Variants in CDKAL1 observed in about 807,000 individuals in gnomAD.
CDKAL1 encodes threonylcarbamoyladenosine tRNA methylthiotransferase.
In CDKAL1, 32 loss-of-function variants were observed where a neutral mutation model predicts 68.2. The ratio of observed to expected loss-of-function variants is 0.47; its 90% CI spans 0.35 to 0.63. The LOEUF (loss-of-function observed/expected upper bound fraction) is 0.63. CDKAL1 is among the 30% of genes least tolerant of loss of function. The pLI is 0.00. For missense variants in CDKAL1, 606 were observed against 696.7 expected (o/e 0.87, Z 1.47); for synonymous variants, 234 against 244.3 (o/e 0.96, Z 0.39).
At chr6:21,175,096 G>A (rs1274838341) in intron 13 of CDKAL1, among the ~76,000 whole-genome samples, 1 of 152,106 alleles carries the variant, frequency 6.6e-6, no homozygotes. Flanking sequence ...ATGGATTATG[G>A]GAAATGGATC....
chr6:20,682,646 C>T (rs778910199), intron 5 of CDKAL1, among the ~76,000 whole-genome samples: 16 of 152,124 alleles, frequency 1.1e-4, no homozygotes, highest in African/African-American at 2.7e-4. Context: ...CCTCCAACAA[C>T]GGGAATTACA....
At chr6:20,969,714 T>C (rs1331645729) in intron 10 of CDKAL1, among the ~76,000 whole-genome samples, 1 of 152,208 alleles carries the variant, frequency 6.6e-6, no homozygotes, top group Admixed American at 6.5e-5. Context: ...TTGCCTGGAA[T>C]GCTCCATCAG....
At position 20,566,350 on chromosome 6, in the gene CDKAL1, C is replaced by T. The variant is rs149444180; in HGVS notation, c.286+17645C>T. Among the ~76,000 whole-genome samples, 136 of 152,158 alleles carry T rather than the reference C, an allele frequency of 8.9e-4. 1 individual carries two copies. The highest frequency in any genetic ancestry group is 2.7e-3 in the African/African-American group (114 of 41,526). The stretch of plus-strand genomic sequence containing the variant: ...TTAATATGTTATAGCTTTTTAATTT[C>T]GATCCTCTGTGTTGGTTGAATATGC... On this transcript the variant is annotated intron_variant, in intron 4 of 15. Transcript: ENST00000274695.
intron 13 of CDKAL1, among the ~76,000 whole-genome samples, chr6:21,175,365 G>C (rs745512423): frequency 6.6e-6 from 1 of 152,094 alleles, no homozygotes; most frequent in Non-Finnish European, 1.5e-5. Context: ...AGAATTACAA[G>C]TCTATTCATT....
chr6:20,673,626 G>A (rs1445047326), intron 5 of CDKAL1, among the ~76,000 whole-genome samples: 2 of 152,122 alleles, frequency 1.3e-5, no homozygotes, highest in Non-Finnish European at 2.9e-5. Flanking sequence ...GTTGTGGGAG[G>A]AACCCAGTGG....
intron 13 of CDKAL1, among the ~76,000 whole-genome samples, chr6:21,188,000 T>C (rs1380886912): frequency 6.6e-6 from 1 of 152,230 alleles, no homozygotes; most frequent in East Asian, 1.9e-4. Context: ...AAGTGAAACT[T>C]TTTTCACATA....
intron 9 of CDKAL1, among the ~76,000 whole-genome samples, chr6:20,916,774 A>G (rs1490809397): frequency 2.0e-5 from 3 of 152,176 alleles, no homozygotes; most frequent in Non-Finnish European, 4.4e-5. Context: ...ATCTGATTGT[A>G]TTGCTTCTAC....
chr6:20,854,168 A>G (rs1300751941), intron 9 of CDKAL1, among the ~76,000 whole-genome samples: 2 of 152,240 alleles, frequency 1.3e-5, no homozygotes, highest in African/African-American at 2.4e-5. Flanking sequence ...TGAAGTATGC[A>G]GAAACAGACA....
At chr6:20,858,247 A>G (rs1290479706) in intron 9 of CDKAL1, among the ~76,000 whole-genome samples, 1 of 152,028 alleles carries the variant, frequency 6.6e-6, no homozygotes, top group East Asian at 1.9e-4. Flanking sequence ...GGGAATGTTT[A>G]TTTTTAAAGC....
chr6:20,738,447 A>C (rs540177368), intron 5 of CDKAL1, among the ~76,000 whole-genome samples: 1 of 150,702 alleles, frequency 6.6e-6, no homozygotes, highest in Admixed American at 6.6e-5. Context: ...AAAAATAGCC[A>C]TATATGTATA....
At chr6:20,983,593 C>T (rs1766274773) in intron 10 of CDKAL1, among the ~76,000 whole-genome samples, 1 of 152,102 alleles carries the variant, frequency 6.6e-6, no homozygotes, top group African/African-American at 2.4e-5. Flanking sequence ...TAGTGGCGCA[C>T]ATCTATAATC....
At position 21,074,705 on chromosome 6, in the gene CDKAL1, T is replaced by G. The variant is rs558578014; in HGVS notation, c.1236+9477T>G. On this transcript the variant is annotated intron_variant, in intron 12 of 15. Coordinates refer to ENST00000274695, the MANE Select transcript of CDKAL1 (RefSeq NM_017774.3). ...TAATAATTGTCTACTCTACCAGTCT[T>G]AGGTAGTTTATGAAACTGCTTATGA... Among the ~76,000 whole-genome samples, 48 of 152,284 alleles carry G rather than the reference T, an allele frequency of 3.2e-4. 2 individuals are homozygous for G. In the South Asian group the frequency reaches 9.1e-3, roughly 29 times the overall value.
intron 8 of CDKAL1, among the ~76,000 whole-genome samples, chr6:20,796,873 C>T (rs1776130979): frequency 6.6e-6 from 1 of 152,000 alleles, no homozygotes; most frequent in South Asian, 2.1e-4. Flanking sequence ...AAATGTAAAA[C>T]CTTTTTTCTT....
chr6:21,070,142 G>C (rs1489767188), intron 12 of CDKAL1, among the ~76,000 whole-genome samples: 2 of 152,006 alleles, frequency 1.3e-5, no homozygotes, highest in African/African-American at 2.4e-5. Context: ...CTCTGGGACT[G>C]TGAATTTGAT....
chr6:20,825,610 C>G (rs1184395200), intron 8 of CDKAL1, among the ~76,000 whole-genome samples: 1 of 152,094 alleles, frequency 6.6e-6, no homozygotes, highest in Non-Finnish European at 1.5e-5. Flanking sequence ...TTTACAACAG[C>G]TCTCATGAAC....
chr6:20,844,524 C>T (rs1778298672), intron 8 of CDKAL1, among the ~76,000 whole-genome samples: 1 of 151,776 alleles, frequency 6.6e-6, no homozygotes, highest in African/African-American at 2.4e-5. Context: ...TAGGGAAACC[C>T]AACTCTGAAA....
intron 5 of CDKAL1, among the ~76,000 whole-genome samples, chr6:20,731,248 G>A (rs1772912199): frequency 6.6e-6 from 1 of 152,220 alleles, no homozygotes; most frequent in Admixed American, 6.5e-5. Flanking sequence ...AGAGTACCAT[G>A]TTCTGGCTTC....
chr6:20,948,069 G>A (rs1764340525), intron 9 of CDKAL1, among the ~76,000 whole-genome samples: 1 of 139,844 alleles, frequency 7.2e-6, no homozygotes. Context: ...CCTGGCTCTA[G>A]TGCAGTGGTG....
At chr6:21,223,276 A>G (rs533093506) in intron 15 of CDKAL1, among the ~76,000 whole-genome samples, 5 of 152,334 alleles carry the variant, frequency 3.3e-5, no homozygotes, top group African/African-American at 4.8e-5. Flanking sequence ...TAGTATGAGT[A>G]AAGCCAGGCC....
Sources: gnomAD v4.1 joint callset for allele counts (sites outside exome capture counted in the v4.1 genomes callset) on GRCh38, gnomAD v4.1.1 for gene constraint, MANE v1.5 for transcripts, NCBI Gene and HGNC (gene_info 2026-07-23, HGNC 2026-07-21) for gene names.